INPP4B: variants seen among roughly 807,000 people sequenced by gnomAD.
The protein encoded by INPP4B is inositol polyphosphate 4-phosphatase type II.
A neutral mutation model predicts 122.5 loss-of-function variants in INPP4B; 55 were observed. That is an observed-to-expected ratio of 0.45 (90% CI 0.36 to 0.56). The LOEUF (loss-of-function observed/expected upper bound fraction) is 0.56. Among genes scored for constraint, INPP4B ranks in the 20% least tolerant of loss-of-function variants. INPP4B has a pLI of 0.00. For synonymous variants in INPP4B, 403 were observed against 388.7 expected (o/e 1.04, Z -0.43); for missense variants, 1,000 against 1,097.7 (o/e 0.91, Z 1.26).
At chr4:142,510,651 A>G (rs1824598852) in intron 2 of INPP4B, among the ~76,000 whole-genome samples, 1 of 152,198 alleles carries the variant, frequency 6.6e-6, no homozygotes, top group Non-Finnish European at 1.5e-5. Flanking sequence ...CGTATTGAGT[A>G]ATAGACCTTA....
At chr4:142,151,054 C>T (rs897542147) in intron 17 of INPP4B, among the ~76,000 whole-genome samples, 1 of 152,134 alleles carries the variant, frequency 6.6e-6, no homozygotes, top group African/African-American at 2.4e-5. Flanking sequence ...TTAACAAGGC[C>T]AATTCCATCT....
intron 2 of INPP4B, among the ~76,000 whole-genome samples, chr4:142,713,142 A>G (rs1226780673): frequency 6.6e-6 from 1 of 152,248 alleles, no homozygotes; most frequent in Non-Finnish European, 1.5e-5. Context: ...GGCTAAGAGC[A>G]AAAGAGAAAT....
intron 2 of INPP4B, among the ~76,000 whole-genome samples, chr4:142,664,659 TGAAAG>T (rs1755718306): frequency 6.6e-6 from 1 of 151,998 alleles, no homozygotes; most frequent in South Asian, 2.1e-4. Flanking sequence ...TTTTTTTAAT[TGAAAG>T]GAAAGCATCA....
chr4:142,255,772 A>C (rs1735579529), intron 11 of INPP4B, among the ~76,000 whole-genome samples: 1 of 152,114 alleles, frequency 6.6e-6, no homozygotes, highest in African/African-American at 2.4e-5. Context: ...TTAACTCCCC[A>C]CTGTCAACAT....
chr4:142,689,154 T>C (rs1560963614), intron 2 of INPP4B, among the ~76,000 whole-genome samples: 1 of 152,194 alleles, frequency 6.6e-6, no homozygotes, highest in Non-Finnish European at 1.5e-5. Flanking sequence ...TTCTTCTCTC[T>C]TAATAAATCA....
intron 2 of INPP4B, among the ~76,000 whole-genome samples, chr4:142,465,123 T>C (rs1817514767): frequency 6.6e-6 from 1 of 152,308 alleles, no homozygotes; most frequent in African/African-American, 2.4e-5. Context: ...TGGGTAACAC[T>C]TTATATAGCA....
At chr4:142,241,106 T>C (rs548485566) in intron 11 of INPP4B, among the ~76,000 whole-genome samples, 4 of 152,278 alleles carry the variant, frequency 2.6e-5, no homozygotes, top group South Asian at 2.1e-4. Context: ...GGCTCTCCAC[T>C]GGTGGCAAGT....
intron 25 of INPP4B, among the ~76,000 whole-genome samples, chr4:142,030,986 TGAAAA>T (rs1340282360): frequency 6.6e-6 from 1 of 152,142 alleles, no homozygotes; most frequent in East Asian, 1.9e-4. Flanking sequence ...ACATCTCATC[TGAAAA>T]GAGACCCATA....
chr4:142,380,275 G>T (rs905110034), intron 7 of INPP4B, among the ~76,000 whole-genome samples: 2 of 152,084 alleles, frequency 1.3e-5, no homozygotes, highest in Non-Finnish European at 2.9e-5. Flanking sequence ...GAGTTCCCTG[G>T]GGCTTCATCA....
intron 16 of INPP4B, among the ~76,000 whole-genome samples, chr4:142,169,972 T>G (rs1824777021): frequency 6.6e-6 from 1 of 151,866 alleles, no homozygotes; most frequent in East Asian, 1.9e-4. Context: ...CTATGAGAGA[T>G]ACGTGAACAC....
At chr4:142,520,413 T>C (rs1372342342) in intron 2 of INPP4B, among the ~76,000 whole-genome samples, 1 of 151,938 alleles carries the variant, frequency 6.6e-6, no homozygotes, top group Non-Finnish European at 1.5e-5. Context: ...TTATAAATTA[T>C]TGAAGGAGTA....
intron 2 of INPP4B, among the ~76,000 whole-genome samples, chr4:142,592,330 T>C (rs1028493382): frequency 6.6e-6 from 1 of 152,194 alleles, no homozygotes; most frequent in African/African-American, 2.4e-5. Flanking sequence ...TCGACTTCAC[T>C]ATTTTAAGAT....
At chr4:142,561,610 G>A (rs1352457235) in intron 2 of INPP4B, among the ~76,000 whole-genome samples, 1 of 151,938 alleles carries the variant, frequency 6.6e-6, no homozygotes, top group Non-Finnish European at 1.5e-5. Flanking sequence ...TAGTAGAGAC[G>A]GGGTTTCACC....
intron 9 of INPP4B, among the ~76,000 whole-genome samples, chr4:142,279,014 G>A (rs1275900144): frequency 6.6e-6 from 1 of 151,784 alleles, no homozygotes; most frequent in Non-Finnish European, 1.5e-5. Context: ...CAAATATCTG[G>A]CAATGAACAA....
In INPP4B at chr4:142,295,091, T is replaced by A. The variant is rs559390496; in HGVS notation, c.503+10367A>T. On this transcript the variant is annotated intron_variant, in intron 9 of 25. Coordinates refer to ENST00000262992, the MANE Select transcript of INPP4B (RefSeq NM_001101669.3). ...TTAGGGTACCTGAATGTAGGAAGGG[T>A]CTTAGTTTAACCTGAAACAAACAAA... Among the ~76,000 whole-genome samples the A allele has an allele frequency of 5.0e-4, 76 of 152,162 alleles. 2 individuals are homozygous for A. The South Asian group carries it at 0.015, about 31-fold the overall frequency.
chr4:142,576,425 G>A (rs895031245), intron 2 of INPP4B, among the ~76,000 whole-genome samples: 4 of 151,748 alleles, frequency 2.6e-5, no homozygotes, highest in Non-Finnish European at 5.9e-5. Flanking sequence ...TCTACATTAT[G>A]ACCAATTTTT....
At chr4:142,820,208 A>G (rs1780630594) in intron 1 of INPP4B, among the ~76,000 whole-genome samples, 1 of 152,154 alleles carries the variant, frequency 6.6e-6, no homozygotes, top group African/African-American at 2.4e-5. Flanking sequence ...TCTTATCCCA[A>G]TGTTAGAGAT....
rs143243254 is a variant in INPP4B at position 142,799,441 on chromosome 4, T to C, written c.-254+46768A>G. On this transcript the variant is annotated intron_variant, in intron 1 of 25. Transcript: ENST00000262992. ...TTGATACTTTGGCAATTATCTCAAT[T>C]ATTTAACATAGCTGAAATTACAACA... 4.2e-3 allele frequency among the ~76,000 whole-genome samples: 639 copies of C among 152,022 alleles called. 5 individuals carry two copies. The highest frequency in any genetic ancestry group is 0.015 in the African/African-American group (618 of 41,536).
intron 8 of INPP4B, among the ~76,000 whole-genome samples, chr4:142,307,627 T>C (rs1763921367): frequency 1.3e-5 from 2 of 152,218 alleles, no homozygotes; most frequent in South Asian, 2.1e-4. Flanking sequence ...ATCAAAACAA[T>C]TTTATAGTAT....
Sources: gnomAD v4.1 joint callset for allele counts (sites outside exome capture counted in the v4.1 genomes callset) on GRCh38, gnomAD v4.1.1 for gene constraint, MANE v1.5 for transcripts, NCBI Gene and HGNC (gene_info 2026-07-23, HGNC 2026-07-21) for gene names.